Variants in MAP3K9 observed in about 807,000 individuals in gnomAD.
MAP3K9 encodes mixed lineage kinase 1 (tyr and ser/thr specificity).
In MAP3K9, 46 loss-of-function variants were observed where a neutral mutation model predicts 95.8. The ratio of observed to expected loss-of-function variants is 0.48; its 90% CI spans 0.38 to 0.61. The LOEUF (loss-of-function observed/expected upper bound fraction) is 0.61. Among genes scored for constraint, MAP3K9 ranks in the 20% least tolerant of loss-of-function variants. The pLI is 0.00. For missense variants in MAP3K9, 1,296 were observed against 1,474.3 expected, an observed-to-expected ratio of 0.88 and a Z score of 1.98; for synonymous variants, 533 against 593.8, an observed-to-expected ratio of 0.90 and a Z score of 1.49.
intron 2 of MAP3K9, among the ~76,000 whole-genome samples, chr14:70,793,408 C>T (rs1385872919): frequency 1.3e-5 from 2 of 152,124 alleles, no homozygotes; most frequent in African/African-American, 4.8e-5. Context: ...TCCATATGGC[C>T]GGGCCTGGTG....
At position 70,808,883 on chromosome 14, in the gene MAP3K9, C is replaced by T. The variant is rs1270928131; in HGVS notation, c.289G>A (p.Gly97Arg). 6 of 1,599,020 alleles carry T rather than the reference C, an allele frequency of 3.8e-6. No individual in the cohort carries two copies. Among genetic ancestry groups the T allele is most frequent in the Admixed American group, 3.4e-5 (2 of 58,410 alleles). ...ATGCCCACCCGCTGGTTCAGCTGCC[C>T]GGTCCACCAGCCCTCGTCGCCGGAC... ...QVSGDEGWWT[G>R]QLNQRVGIFP... is the part of the protein sequence containing the mutation. The change falls in exon 1 of 12, where the codon GGG (glycine) becomes AGG (arginine). Residue 97 changes from glycine to arginine, a missense_variant. By Grantham distance (125) the Gly-to-Arg change is moderately radical (BLOSUM62 -2). Around this residue, in one of 5 missense-constraint regions of MAP3K9, gnomAD observed 338 missense variants for 363.4 expected, o/e 0.93. Coordinates refer to ENST00000554752, the MANE Select transcript of MAP3K9 (RefSeq NM_001284230.2).
chr14:70,768,573 T>C (rs1016894885), intron 2 of MAP3K9, among the ~76,000 whole-genome samples: 6 of 152,162 alleles, frequency 3.9e-5, no homozygotes, highest in Non-Finnish European at 1.5e-5. Context: ...TGAATGACTT[T>C]CTTTGGGATT....
chr14:70,746,634 T>A (rs2054150888), intron 5 of MAP3K9, among the ~76,000 whole-genome samples: 1 of 152,208 alleles, frequency 6.6e-6, no homozygotes, highest in South Asian at 2.1e-4. Flanking sequence ...GGGCATCACA[T>A]GTAATATGGA....
At chr14:70,785,834 C>T (rs902573710) in intron 2 of MAP3K9, among the ~76,000 whole-genome samples, 1 of 152,158 alleles carries the variant, frequency 6.6e-6, no homozygotes, top group African/African-American at 2.4e-5. Flanking sequence ...TTGCGCTACT[C>T]AGAATGGTGT....
chr14:70,763,629 C>T (rs1189429152), intron 2 of MAP3K9, among the ~76,000 whole-genome samples: 1 of 151,874 alleles, frequency 6.6e-6, no homozygotes, highest in Non-Finnish European at 1.5e-5. Flanking sequence ...CTCCTGGGCT[C>T]AAGTGATTCT....
rs142577671 is a variant in MAP3K9 at position 70,801,058 on chromosome 14, C to T, written c.429G>A (p.Glu143=). 4 of 1,610,034 alleles carry T rather than the reference C, an allele frequency of 2.5e-6. No homozygotes were observed. The highest frequency in any genetic ancestry group is 1.7e-5 in the Admixed American group (1 of 59,784). ...TGCCAATAATCTCTTCCAAGGTGAGCTCCGCAAAATCAATTTCTAACACTG... is the reference window on the plus strand; with the variant it reads ...TGCCAATAATCTCTTCCAAGGTGAGTTCCGCAAAATCAATTTCTAACACTG... ...PIQLLEIDFA[E]LTLEEIIGIG... is the part of the protein sequence containing the mutation. The change falls in exon 2 of 12, where the codon GAG becomes GAA. Residue 143 remains glutamate (E), a synonymous_variant. Transcript: ENST00000554752.
At chr14:70,767,691 AAGTG>A (rs2054476426) in intron 2 of MAP3K9, among the ~76,000 whole-genome samples, 1 of 152,236 alleles carries the variant, frequency 6.6e-6, no homozygotes, top group Admixed American at 6.5e-5. Context: ...AATGTGACAA[AAGTG>A]AGTATCAGGT....
chr14:70,808,998 C>CT lies in MAP3K9; in HGVS notation c.173_174insA (p.Ala59GlyfsTer82). ...CCGCCGCCTCGTACTCGAACACGGC[C>CT]GTCCAGTAGGGCAGCGGCGCGTCGC... On this transcript the variant is annotated frameshift_variant, in exon 1 of 12. Transcript: ENST00000554752. LOFTEE classifies it high-confidence loss of function. 2 of 1,544,800 alleles carry CT rather than the reference C, an allele frequency of 1.3e-6. No individual in the cohort carries two copies. The highest frequency in any genetic ancestry group is 1.7e-6 in the Non-Finnish European group (2 of 1,152,152).
intron 3 of MAP3K9, among the ~76,000 whole-genome samples, chr14:70,754,838 C>T (rs572668158): frequency 3.9e-4 from 59 of 152,298 alleles, no homozygotes; most frequent in Non-Finnish European, 7.2e-4. Context: ...AACCAACAGG[C>T]AAGAAGGCCT....
chr14:70,745,081 T>C (rs1430705614), intron 5 of MAP3K9, among the ~76,000 whole-genome samples: 11 of 152,194 alleles, frequency 7.2e-5, no homozygotes, highest in Admixed American at 7.2e-4. Flanking sequence ...TTTTAAACTC[T>C]TAATGCTGGT....
rs1156619130 is a variant in MAP3K9 at position 70,724,526 on chromosome 14, A to G, written c.*5854T>C. ...AGTGAGGCCCTCACCTTGGGTTAAA[A>G]TTTAAAGGGGTGCCAAAAAAAAAAG... On this transcript the variant is annotated 3_prime_UTR_variant, in exon 12 of 12. Transcript: ENST00000554752. 1 of 122,674 alleles carries G rather than the reference A, an allele frequency of 8.2e-6. No individual in the cohort carries two copies. The highest frequency in any genetic ancestry group is 1.9e-5 in the Non-Finnish European group (1 of 53,914). The allele number at this position is 122,674 out of a possible 1,614,324, so 7.6% of individuals were successfully genotyped here.
chr14:70,809,167 T>C lies in MAP3K9; in HGVS notation c.5A>G (p.Glu2Gly). 7.4e-7 allele frequency: 1 copy of C among 1,343,848 alleles called. No individual in the cohort carries two copies. Among genetic ancestry groups the C allele is most frequent in the Non-Finnish European group, 9.5e-7 (1 of 1,055,808 alleles). 83.2% of individuals were successfully genotyped at this position (1,343,848 alleles called of 1,614,324 possible). A position where few individuals can be genotyped will look rare whatever the true frequency, so the allele number is the denominator to read the frequency against. ...GCAGCCGAGAAGCGCTCTGGAGGGC[T>C]CCATGGAGCGGCCGATCCATAGGGT... Reference protein sequence around the residue: MEPSRALLGCLA... With the variant: MGPSRALLGCLA... The change falls in exon 1 of 12, where the codon GAG becomes GGG. Residue 2 changes from glutamate to glycine, a missense_variant. Around this residue, in one of 5 missense-constraint regions of MAP3K9, gnomAD observed 338 missense variants for 363.4 expected, o/e 0.93. Coordinates refer to ENST00000554752, the MANE Select transcript of MAP3K9 (RefSeq NM_001284230.2).
chr14:70,748,856 C>T lies in MAP3K9; in HGVS notation c.1299G>A (p.Met433Ile). The change falls in exon 5 of 12, where the codon ATG becomes ATA. Residue 433 changes from methionine to isoleucine, a missense_variant. By Grantham distance (10) the Met-to-Ile change is conservative. Transcript: ENST00000554752. ...QDNWKHEIQE[M>I]FDQLRAKEKE... ...TTTCTTTGGCCCTGAGTTGGTCAAA[C>T]ATCTCCTGAATCTCGTGTTTCCAGT... 6.2e-7 allele frequency: 1 copy of T among 1,613,298 alleles called. No individual in the cohort carries two copies.
intron 10 of MAP3K9, 94 bp from the exon 11 acceptor site, chr14:70,733,436 G>T: frequency 1.6e-6 from 1 of 624,878 alleles, no homozygotes; most frequent in Non-Finnish European, 2.8e-6. Context: ...CAGGCCTCCT[G>T]TCTCAGTCTC....
intron 2 of MAP3K9, among the ~76,000 whole-genome samples, chr14:70,787,543 T>TACTGATGC (rs1276879350): frequency 6.7e-6 from 1 of 148,516 alleles, no homozygotes; most frequent in Non-Finnish European, 1.5e-5. Flanking sequence ...ATTGCCAGCA[T>TACTGATGC]CCTGATGCCC....
intron 3 of MAP3K9, among the ~76,000 whole-genome samples, chr14:70,754,253 T>C (rs2054268760): frequency 6.6e-6 from 1 of 152,170 alleles, no homozygotes; most frequent in African/African-American, 2.4e-5. Flanking sequence ...TAACAACATA[T>C]TTATTAATGT....
At chr14:70,765,306 G>A (rs1259884258) in intron 2 of MAP3K9, 15 of 391,718 alleles carry the variant, frequency 3.8e-5, no homozygotes, top group Non-Finnish European at 4.5e-6. Context: ...CTCCAGCCTG[G>A]GTGACAGAGT....
Position 70,730,309 on chromosome 14 carries a change from A to T in MAP3K9, c.*71T>A. The T allele has an allele frequency of 3.9e-6, 6 of 1,539,604 alleles. No individual in the cohort carries two copies. Among genetic ancestry groups the T allele is most frequent in the Non-Finnish European group, 5.3e-6 (6 of 1,141,326 alleles). ...GGATCTCAGGGGGTCCAACCCTGAG[A>T]AAGGGCTGTGCCCGCCAGCTCCCCT... On this transcript the variant is annotated 3_prime_UTR_variant, in exon 12 of 12. Coordinates refer to ENST00000554752, the MANE Select transcript of MAP3K9 (RefSeq NM_001284230.2).
rs371674121 is a variant in MAP3K9 at position 70,794,337 on chromosome 14, A to T, written c.820+6330T>A. On this transcript the variant is annotated intron_variant, in intron 2 of 11. Coordinates refer to ENST00000554752, the MANE Select transcript of MAP3K9 (RefSeq NM_001284230.2). ...AGAATGAGTTGGTTGAAACCCAAAG[A>T]AGGTACAGGCAGGGGATAAATCAAA... is the stretch of plus-strand genomic sequence containing the variant. 4.6e-5 allele frequency among the ~76,000 whole-genome samples: 7 copies of T among 152,350 alleles called. No individual in the cohort carries two copies. In the South Asian group the frequency reaches 1.4e-3, roughly 32 times the overall value.
Sources: gnomAD v4.1 joint callset for allele counts (sites outside exome capture counted in the v4.1 genomes callset) on GRCh38, gnomAD v4.1.1 for gene constraint, gnomAD v4.1.1 regional missense constraint, MANE v1.5 for transcripts, NCBI Gene and HGNC (gene_info 2026-07-23, HGNC 2026-07-21) for gene names.